COL25A1: variants seen among roughly 807,000 people sequenced by gnomAD.
COL25A1 encodes collagen alpha-1(XXV) chain.
Under a neutral mutation model 128.4 loss-of-function variants are expected in COL25A1, and 103 were observed. That is an observed-to-expected ratio of 0.80 (90% CI 0.68 to 0.94). COL25A1 has a LOEUF of 0.94. COL25A1 is among the 40% of genes least tolerant of loss of function. The pLI is 0.00. For synonymous variants in COL25A1, 279 were observed against 277.2 expected (o/e 1.01, Z -0.06); for missense variants, 745 against 840.0 (o/e 0.89, Z 1.40).
At chr4:108,944,161 CTT>C (rs1022013532) in intron 8 of COL25A1, among the ~76,000 whole-genome samples, 59 of 152,286 alleles carry the variant, frequency 3.9e-4, no homozygotes, top group African/African-American at 1.3e-3. Flanking sequence ...AATCTTATCT[CTT>C]TTGCCAAATC....
chr4:109,272,167 T>C (rs1264430982), intron 3 of COL25A1, among the ~76,000 whole-genome samples: 1 of 151,866 alleles, frequency 6.6e-6, no homozygotes, highest in Non-Finnish European at 1.5e-5. Flanking sequence ...GCCCGAGAGG[T>C]CAAGGCTGCG....
chr4:108,841,738 G>T lies in COL25A1; in HGVS notation c.1630-17C>A. ...ATGAGGTCCCTGAAAATGGAAAACA[G>T]AGCTTTTAATTAAGAATTGATTCCC... On this transcript the variant is annotated splice_polypyrimidine_tract_variant and intron_variant, in intron 30 of 37. Transcript: ENST00000399132. The T allele has an allele frequency of 6.2e-7, 1 of 1,602,530 alleles. No homozygotes were observed. Among genetic ancestry groups the T allele is most frequent in the Non-Finnish European group, 8.5e-7 (1 of 1,169,782 alleles).
At chr4:109,097,163 T>C (rs975873510) in intron 3 of COL25A1, among the ~76,000 whole-genome samples, 1 of 152,226 alleles carries the variant, frequency 6.6e-6, no homozygotes, top group African/African-American at 2.4e-5. Flanking sequence ...GCTTCTTTAA[T>C]GTTTCAGTTT....
chr4:108,819,981 A>G (rs772337531), intron 35 of COL25A1: 8 of 591,538 alleles, frequency 1.4e-5, no homozygotes, highest in Middle Eastern at 5.1e-4. Context: ...TAGGTAAGAA[A>G]ATTCTGGAAG....
intron 3 of COL25A1, among the ~76,000 whole-genome samples, chr4:109,120,809 A>G (rs1040750997): frequency 2.5e-5 from 3 of 119,594 alleles, no homozygotes; most frequent in Admixed American, 2.3e-4. Context: ...CTCTGTCTCA[A>G]CAAAAGAAAA....
At chr4:109,116,016 C>A (rs1422470046) in intron 3 of COL25A1, among the ~76,000 whole-genome samples, 1 of 151,982 alleles carries the variant, frequency 6.6e-6, no homozygotes, top group African/African-American at 2.4e-5. Context: ...GGGAGACAGA[C>A]AGGCAGATAC....
intron 3 of COL25A1, among the ~76,000 whole-genome samples, chr4:109,274,586 G>A (rs1439045318): frequency 6.6e-6 from 1 of 152,026 alleles, no homozygotes; most frequent in Non-Finnish European, 1.5e-5. Context: ...ACTTTAAAAT[G>A]CTAAAAATTA....
chr4:109,111,059 CT>C (rs1766955582), intron 3 of COL25A1, among the ~76,000 whole-genome samples: 1 of 152,182 alleles, frequency 6.6e-6, no homozygotes, highest in African/African-American at 2.4e-5. Flanking sequence ...ACATGAGGCC[CT>C]TCAAAATCTT....
At chr4:108,882,224 C>CTAAA (rs1183410941) in intron 19 of COL25A1, among the ~76,000 whole-genome samples, 5 of 150,032 alleles carry the variant, frequency 3.3e-5, no homozygotes, top group African/African-American at 1.2e-4. Flanking sequence ...GGATATAAGA[C>CTAAA]TAAAGTAAGA....
chr4:109,001,428 G>A (rs1561003604), intron 6 of COL25A1, among the ~76,000 whole-genome samples: 1 of 12,630 alleles, frequency 7.9e-5, no homozygotes, highest in African/African-American at 1.3e-4. Context: ...TAGGCAGTGA[G>A]CTAGAGGGTT....
intron 23 of COL25A1, among the ~76,000 whole-genome samples, 153 bp from the exon 24 acceptor site, chr4:108,859,886 T>A (rs1049935396): frequency 3.3e-5 from 5 of 152,196 alleles, no homozygotes; most frequent in Non-Finnish European, 7.4e-5. Context: ...ATAATTATGT[T>A]CAAAATGTAT....
intron 13 of COL25A1, among the ~76,000 whole-genome samples, chr4:108,902,931 C>T (rs143538209): frequency 5.3e-5 from 8 of 152,040 alleles, no homozygotes; most frequent in African/African-American, 1.9e-4. Context: ...AGTCTGCTTG[C>T]TTCAAAGAAT....
At position 108,962,807 on chromosome 4, in the gene COL25A1, T is replaced by C. The variant is rs188185015; in HGVS notation, c.492+11560A>G. Among the ~76,000 whole-genome samples the C allele has an allele frequency of 2.0e-5, 3 of 152,264 alleles. No homozygotes were observed. The East Asian group carries it at 5.8e-4, about 29-fold the overall frequency. ...AACCCACTAGTGATCAATAAAGGTT[T>C]CTCTCAATATCAACATTTTTCAAGC... On this transcript the variant is annotated intron_variant, in intron 8 of 37. Transcript: ENST00000399132.
rs189352180 is a variant in COL25A1, at chr4:109,293,088, A to G, written c.367+7495T>C. ...GTTTCATAATTCCTGGAAGGGTAAT[A>G]CAAACAACTTAACCTTTGACAGCTC... On this transcript the variant is annotated intron_variant, in intron 3 of 37. Coordinates refer to ENST00000399132, the MANE Select transcript of COL25A1 (RefSeq NM_198721.4). Among the ~76,000 whole-genome samples, 14 of 152,152 alleles carry G rather than the reference A, an allele frequency of 9.2e-5. No individual in the cohort carries two copies. In the East Asian group the frequency reaches 2.3e-3, roughly 25 times the overall value.
intron 6 of COL25A1, among the ~76,000 whole-genome samples, chr4:109,009,221 G>A (rs115616330): frequency 0.015 from 2,231 of 152,248 alleles, 49 homozygotes; most frequent in African/African-American, 0.051. Flanking sequence ...TTCAAATTTA[G>A]CAAACAAGCT....
In COL25A1 at chr4:109,096,257, T is replaced by C. The variant is rs142478792; in HGVS notation, c.368-46078A>G. Among the ~76,000 whole-genome samples, 12 of 152,330 alleles carry C rather than the reference T, an allele frequency of 7.9e-5. No homozygotes were observed. The East Asian group carries it at 2.1e-3, about 27-fold the overall frequency. ...TAAGAGACTTCCTTTAGTAATATGA[T>C]TACTGTCATGCACCACATAATGACA... On this transcript the variant is annotated intron_variant, in intron 3 of 37. Transcript: ENST00000399132.
chr4:108,987,641 T>C (rs139270755), intron 6 of COL25A1, among the ~76,000 whole-genome samples: 1,677 of 152,296 alleles, frequency 0.011, 25 homozygotes, highest in South Asian at 0.023. Flanking sequence ...CCCAAAGTGC[T>C]GGGATTACAC....
At chr4:108,842,405 C>G (rs931486934) in intron 30 of COL25A1, among the ~76,000 whole-genome samples, 1 of 152,136 alleles carries the variant, frequency 6.6e-6, no homozygotes, top group African/African-American at 2.4e-5. Flanking sequence ...TTACAAAACA[C>G]ATACTTTGTA....
intron 8 of COL25A1, among the ~76,000 whole-genome samples, chr4:108,943,146 C>T (rs113595939): frequency 0.036 from 5,544 of 152,130 alleles, 165 homozygotes; most frequent in African/African-American, 0.067. Context: ...TGTGTCTACA[C>T]GGTGTAAAGA....
Sources: gnomAD v4.1 joint callset for allele counts (sites outside exome capture counted in the v4.1 genomes callset) on GRCh38, gnomAD v4.1.1 for gene constraint, MANE v1.5 for transcripts, NCBI Gene and HGNC (gene_info 2026-07-23, HGNC 2026-07-21) for gene names.